KLF12: variants seen among roughly 807,000 people sequenced by gnomAD.
The protein encoded by KLF12 is Krueppel-like factor 12.
A neutral mutation model predicts 37.8 loss-of-function variants in KLF12; 9 were observed. The ratio of observed to expected loss-of-function variants is 0.24; its 90% CI spans 0.14 to 0.42. The LOEUF (loss-of-function observed/expected upper bound fraction) is 0.42, where lower values mean the gene tolerates loss of function less well. KLF12 is among the 10% of genes least tolerant of loss of function. The pLI is 1.00. For missense variants in KLF12, 411 were observed against 516.0 expected (o/e 0.80, Z 1.97); for synonymous variants, 208 against 202.1 (o/e 1.03, Z -0.25).
chr13:73,902,417 G>GAAGTGGCATTAGAATATCA (rs1370488475), intron 3 of KLF12, among the ~76,000 whole-genome samples: 4 of 152,280 alleles, frequency 2.6e-5, no homozygotes, highest in South Asian at 4.1e-4. Flanking sequence ...ATCATGGGAG[G>GAAGTGGCATTAGAATATCA]AAGTGGCATT....
chr13:73,882,658 G>A (rs945592346), intron 3 of KLF12, among the ~76,000 whole-genome samples: 2 of 151,982 alleles, frequency 1.3e-5, no homozygotes, highest in East Asian at 1.9e-4. Context: ...ACGATTAAAC[G>A]GTGATTTAAA....
intron 2 of KLF12, among the ~76,000 whole-genome samples, chr13:73,979,775 A>G (rs943908653): frequency 2.0e-5 from 3 of 152,316 alleles, no homozygotes; most frequent in East Asian, 1.9e-4. Context: ...TCAGAAATTC[A>G]TATGTTGAAG....
chr13:73,960,760 G>A (rs1009990364), intron 2 of KLF12, among the ~76,000 whole-genome samples: 9 of 152,006 alleles, frequency 5.9e-5, no homozygotes, highest in South Asian at 2.1e-4. Flanking sequence ...CTATCAAAAC[G>A]TTTGCAAATA....
At chr13:73,758,912 T>C (rs1879364749) in intron 6 of KLF12, among the ~76,000 whole-genome samples, 1 of 152,162 alleles carries the variant, frequency 6.6e-6, no homozygotes, top group Non-Finnish European at 1.5e-5. Context: ...AGTTCTTTCA[T>C]ACGGTCACTT....
chr13:73,886,758 G>A (rs1369882812), intron 3 of KLF12, among the ~76,000 whole-genome samples: 1 of 152,116 alleles, frequency 6.6e-6, no homozygotes, highest in Non-Finnish European at 1.5e-5. Flanking sequence ...TTTGGAGGCC[G>A]AGGCGAGCGG....
At chr13:73,920,302 T>C (rs573594503) in intron 3 of KLF12, among the ~76,000 whole-genome samples, 5 of 152,310 alleles carry the variant, frequency 3.3e-5, no homozygotes, top group Admixed American at 3.3e-4. Context: ...CATATATGCC[T>C]ATGTGTGTGA....
intron 1 of KLF12, among the ~76,000 whole-genome samples, chr13:74,109,205 T>G (rs1876839704): frequency 6.6e-6 from 1 of 152,128 alleles, no homozygotes; most frequent in Admixed American, 6.5e-5. Flanking sequence ...TAAGAATCAC[T>G]TTTAACTACC....
chr13:73,832,289 C>T (rs566704126), intron 4 of KLF12, among the ~76,000 whole-genome samples: 2 of 152,278 alleles, frequency 1.3e-5, no homozygotes, highest in South Asian at 2.1e-4. Flanking sequence ...CAAAGCTTTA[C>T]GCTTCTCCAA....
intron 5 of KLF12, among the ~76,000 whole-genome samples, chr13:73,789,838 G>A (rs192943729): frequency 0.19 from 28,355 of 151,870 alleles, 3,461 homozygotes; most frequent in East Asian, 0.45. Context: ...CACTACGCCC[G>A]GTTTATTTTT....
At chr13:73,927,255 G>C (rs1020625838) in intron 3 of KLF12, among the ~76,000 whole-genome samples, 1 of 152,176 alleles carries the variant, frequency 6.6e-6, no homozygotes, top group Non-Finnish European at 1.5e-5. Flanking sequence ...GAGCCCAGAG[G>C]CTTCTCCCCT....
chr13:74,277,235 C>T, the KLF12 span, among the ~76,000 whole-genome samples: 1 of 152,178 alleles, frequency 6.6e-6, no homozygotes, highest in Non-Finnish European at 1.5e-5. Context: ...ACTGGATCAC[C>T]TCATCTCTGC....
chr13:74,065,570 G>C (rs1011283514), intron 1 of KLF12, among the ~76,000 whole-genome samples: 1 of 152,112 alleles, frequency 6.6e-6, no homozygotes, highest in Admixed American at 6.5e-5. Context: ...GAGAATATGA[G>C]TGTTTGTGTG....
chr13:74,301,367 T>G, the KLF12 span, among the ~76,000 whole-genome samples: 1 of 152,214 alleles, frequency 6.6e-6, no homozygotes, highest in Non-Finnish European at 1.5e-5. Flanking sequence ...ATTTCCATGA[T>G]GACAGTCCCC....
the KLF12 span, among the ~76,000 whole-genome samples, chr13:74,231,290 A>G: frequency 6.6e-6 from 1 of 152,206 alleles, no homozygotes. Flanking sequence ...GTTAAAACTA[A>G]GAGAAGAAAG....
chr13:74,104,175 GT>G (rs1876521597), intron 1 of KLF12, among the ~76,000 whole-genome samples: 1 of 152,130 alleles, frequency 6.6e-6, no homozygotes, highest in South Asian at 2.1e-4. Context: ...ATTTGAACAT[GT>G]TTTTAGTATA....
chr13:73,737,600 G>A (rs7993376), intron 6 of KLF12, among the ~76,000 whole-genome samples: 31,635 of 152,042 alleles, frequency 0.21, 4,457 homozygotes, highest in African/African-American at 0.41. Context: ...TGTGAATCAG[G>A]TACGAAGTTC....
At chr13:74,064,191 TG>T (rs1873772156) in intron 1 of KLF12, among the ~76,000 whole-genome samples, 1 of 152,206 alleles carries the variant, frequency 6.6e-6, no homozygotes, top group Non-Finnish European at 1.5e-5. Context: ...ATGGTGATGA[TG>T]GAAAACCACC....
At chr13:74,287,349 TGA>T in the KLF12 span, among the ~76,000 whole-genome samples, 4,124 of 71,756 alleles carry the variant, frequency 0.057, 147 homozygotes, top group African/African-American at 0.14. Flanking sequence ...CTATCAAAGT[TGA>T]GAGAGAGAGA....
chr13:74,146,280 G>A, the KLF12 span, among the ~76,000 whole-genome samples: 18 of 152,180 alleles, frequency 1.2e-4, no homozygotes, highest in African/African-American at 4.3e-4. Flanking sequence ...ATTGTTCCAT[G>A]TTGTTGACCT....
Sources: allele counts gnomAD v4.1 joint callset (sites outside exome capture counted in the v4.1 genomes callset), GRCh38; gene constraint gnomAD v4.1.1; transcripts MANE v1.5; gene names NCBI Gene and HGNC (gene_info 2026-07-23, HGNC 2026-07-21).